The following NTM variants were observed in gnomAD, a reference collection of about 807,000 sequenced individuals.
The protein encoded by NTM is neurotrimin.
A neutral mutation model predicts 42.1 loss-of-function variants in NTM; 13 were observed. The observed-to-expected ratio is 0.31, with a 90% confidence interval of 0.20 to 0.49. The LOEUF is 0.49. NTM is among the 20% of genes least tolerant of loss of function. NTM has a pLI of 0.99. For synonymous variants in NTM, 187 were observed against 179.2 expected (o/e 1.04, Z -0.35); for missense variants, 373 against 452.8 (o/e 0.82, Z 1.60).
intron 1 of NTM, among the ~76,000 whole-genome samples, chr11:131,893,520 G>A (rs1042857753): frequency 6.6e-6 from 1 of 152,130 alleles, no homozygotes; most frequent in Non-Finnish European, 1.5e-5. Flanking sequence ...GAGAGTGAGG[G>A]AATAAACGAA....
chr11:131,929,723 A>G (rs2058387239), intron 2 of NTM, among the ~76,000 whole-genome samples: 2 of 152,052 alleles, frequency 1.3e-5, no homozygotes, highest in South Asian at 2.1e-4. Context: ...CGCCACTTCC[A>G]ATGGTCATAT....
chr11:131,373,561 A>G (rs1209347131), intron 1 of NTM, among the ~76,000 whole-genome samples: 1 of 151,758 alleles, frequency 6.6e-6, no homozygotes, highest in Non-Finnish European at 1.5e-5. Flanking sequence ...TCTGGCCCTA[A>G]GATACACCAG....
rs116826841 is a variant in NTM, at chr11:132,216,775, C to G, written c.526+4628C>G. ...TTTGCCAATGCCCCAAAGAGGCATG[C>G]CTGTTCTCCCAGTTCAAAGACTATC... On this transcript the variant is annotated intron_variant, in intron 4 of 8. Coordinates refer to ENST00000683400, the MANE Select transcript of NTM (RefSeq NM_001352005.2). 2.7e-3 allele frequency among the ~76,000 whole-genome samples: 416 copies of G among 152,300 alleles called. 1 individual carries two copies. Among genetic ancestry groups the G allele is most frequent in the African/African-American group, 9.3e-3 (387 of 41,554 alleles).
intron 3 of NTM, among the ~76,000 whole-genome samples, chr11:132,198,507 A>T (rs1228051345): frequency 6.6e-6 from 1 of 152,164 alleles, no homozygotes; most frequent in Non-Finnish European, 1.5e-5. Flanking sequence ...GCGCTTATAA[A>T]TGTATTGAAT....
intron 2 of NTM, among the ~76,000 whole-genome samples, chr11:132,034,331 G>A (rs1939715): frequency 0.37 from 56,250 of 151,968 alleles, 10,917 homozygotes; most frequent in East Asian, 0.77. Flanking sequence ...GGCACTACCC[G>A]TCCTGGATTG....
intron 1 of NTM, among the ~76,000 whole-genome samples, chr11:131,412,106 T>C (rs1946487329): frequency 6.6e-6 from 1 of 152,166 alleles, no homozygotes; most frequent in Non-Finnish European, 1.5e-5. Context: ...CCTTTCATTG[T>C]ATTGAACCCT....
intron 1 of NTM, among the ~76,000 whole-genome samples, chr11:131,743,360 C>CA (rs147180830): frequency 0.087 from 13,187 of 151,808 alleles, 1,917 homozygotes; most frequent in African/African-American, 0.3. Context: ...ATGTAGAAGC[C>CA]TATTGTGAAG....
intron 7 of NTM, chr11:132,317,671 G>C (rs956888511): frequency 1.5e-6 from 2 of 1,303,522 alleles, no homozygotes; most frequent in Admixed American, 4.6e-5. Context: ...ATGAGCCTAC[G>C]AGCTCAACTT....
At chr11:131,507,614 G>A (rs2047653348) in intron 1 of NTM, among the ~76,000 whole-genome samples, 2 of 150,088 alleles carry the variant, frequency 1.3e-5, no homozygotes, top group South Asian at 4.3e-4. Flanking sequence ...GTAGCTTGAT[G>A]GGGATGGCAT....
chr11:132,332,929 T>C (rs1289584961), intron 8 of NTM, among the ~76,000 whole-genome samples: 1 of 152,102 alleles, frequency 6.6e-6, no homozygotes, highest in Non-Finnish European at 1.5e-5. Context: ...CCAGGGCATC[T>C]TCTTAGTCAC....
chr11:131,548,580 T>G (rs1031292351), intron 1 of NTM, among the ~76,000 whole-genome samples: 1 of 152,200 alleles, frequency 6.6e-6, no homozygotes, highest in African/African-American at 2.4e-5. Context: ...TGATTCCCAC[T>G]GGAATGGATA....
chr11:131,462,514 G>T (rs530845288), intron 1 of NTM, among the ~76,000 whole-genome samples: 1 of 152,244 alleles, frequency 6.6e-6, no homozygotes, highest in African/African-American at 2.4e-5. Context: ...CAAATGGCAC[G>T]TTGAAGTTAG....
At chr11:132,074,359 G>A (rs2058087938) in intron 2 of NTM, among the ~76,000 whole-genome samples, 1 of 152,132 alleles carries the variant, frequency 6.6e-6, no homozygotes, top group African/African-American at 2.4e-5. Flanking sequence ...CAGAAGTTTG[G>A]CTTATAAAGA....
chr11:131,510,051 T>C (rs955762209), intron 1 of NTM, among the ~76,000 whole-genome samples: 2 of 152,164 alleles, frequency 1.3e-5, no homozygotes, highest in African/African-American at 4.8e-5. Flanking sequence ...CTTGTCTCAG[T>C]AGCTGAGCTC....
intron 1 of NTM, among the ~76,000 whole-genome samples, chr11:131,482,891 G>A (rs1376158194): frequency 1.3e-5 from 2 of 152,170 alleles, no homozygotes; most frequent in Non-Finnish European, 2.9e-5. Flanking sequence ...GGGGAGTCGA[G>A]CATGGGTCCT....
intron 1 of NTM, among the ~76,000 whole-genome samples, chr11:131,432,240 G>A (rs923892394): frequency 6.6e-6 from 1 of 152,070 alleles, no homozygotes; most frequent in South Asian, 2.1e-4. Context: ...AAGCTCATTT[G>A]TTCTTTATTC....
At chr11:131,860,003 G>A (rs977652959) in intron 1 of NTM, among the ~76,000 whole-genome samples, 1 of 152,086 alleles carries the variant, frequency 6.6e-6, no homozygotes, top group African/African-American at 2.4e-5. Flanking sequence ...TTTCTTATAT[G>A]TGAGTAACTC....
At chr11:131,671,302 G>T (rs930098404) in intron 1 of NTM, 1 of 392,166 alleles carries the variant, frequency 2.5e-6, no homozygotes, top group Non-Finnish European at 3.5e-6. Context: ...TCCCTGGGGC[G>T]CTATCTGGCG....
At chr11:131,727,079 T>A (rs2079061437) in intron 1 of NTM, among the ~76,000 whole-genome samples, 1 of 151,300 alleles carries the variant, frequency 6.6e-6, no homozygotes, top group South Asian at 2.1e-4. Context: ...GCAGCTCCTC[T>A]CTGTTGCCTC....
Sources: allele counts gnomAD v4.1 joint callset (sites outside exome capture counted in the v4.1 genomes callset), GRCh38; gene constraint gnomAD v4.1.1; transcripts MANE v1.5; gene names NCBI Gene and HGNC (gene_info 2026-07-23, HGNC 2026-07-21).